The following FBXL13 variants were observed in gnomAD, a reference collection of about 807,000 sequenced individuals.
The protein encoded by FBXL13 is F-box and leucine rich repeat protein 13.
A neutral mutation model predicts 83.6 loss-of-function variants in FBXL13; 67 were observed. The observed-to-expected ratio is 0.80, with a 90% CI of 0.66 to 0.98. The LOEUF is 0.98. Ranked by LOEUF, FBXL13 falls within the 50% of genes least tolerant of loss-of-function variation. The pLI is 0.00. For synonymous variants in FBXL13, 272 were observed against 299.5 expected (o/e 0.91, Z 0.95); for missense variants, 822 against 866.5 (o/e 0.95, Z 0.64).
intron 2 of FBXL13, among the ~76,000 whole-genome samples, chr7:103,040,826 G>T (rs1411217035): frequency 6.6e-6 from 1 of 152,170 alleles, no homozygotes; most frequent in African/African-American, 2.4e-5. Flanking sequence ...CATATTTAAA[G>T]AAGTGTGTAG....
intron 14 of FBXL13, among the ~76,000 whole-genome samples, chr7:102,882,568 C>A (rs13239030): frequency 0.016 from 2,450 of 152,130 alleles, 27 homozygotes; most frequent in Non-Finnish European, 0.023. Flanking sequence ...TCAAGAACAG[C>A]CTGGCCAAAG....
At chr7:102,889,737 G>C (rs1184656316) in intron 11 of FBXL13, among the ~76,000 whole-genome samples, 1 of 152,152 alleles carries the variant, frequency 6.6e-6, no homozygotes, top group Non-Finnish European at 1.5e-5. Context: ...CAAAGGACAA[G>C]AGCTCATCCT....
intron 6 of FBXL13, among the ~76,000 whole-genome samples, chr7:102,986,338 G>C (rs1828946222): frequency 6.6e-6 from 1 of 152,152 alleles, no homozygotes; most frequent in Admixed American, 6.5e-5. Flanking sequence ...GGAAGGAATG[G>C]AGGCTCATGA....
At chr7:102,958,271 C>G (rs567835565) in intron 8 of FBXL13, among the ~76,000 whole-genome samples, 1 of 151,664 alleles carries the variant, frequency 6.6e-6, no homozygotes, top group South Asian at 2.1e-4. Context: ...TCATTCTCAG[C>G]AAACTATCAC....
intron 9 of FBXL13, among the ~76,000 whole-genome samples, chr7:102,930,512 C>T (rs1226784293): frequency 2.6e-5 from 4 of 152,208 alleles, no homozygotes. Context: ...ATTTCTGCTC[C>T]AATATCCCAC....
At chr7:103,024,142 AGAGAGAGAGAGAG>A (rs1793562480) in intron 6 of FBXL13, among the ~76,000 whole-genome samples, 1 of 48,182 alleles carries the variant, frequency 2.1e-5, no homozygotes, top group African/African-American at 2.0e-4. Context: ...AAAAAGAGAG[AGAGAGAGAGAGAG>A]AGAGAGAGAG....
At chr7:102,944,656 G>A in intron 8 of FBXL13, 1 of 1,464,760 alleles carries the variant, frequency 6.8e-7, no homozygotes, top group Non-Finnish European at 9.2e-7. Context: ...CTATACTGGT[G>A]TTAGAAAACA....
chr7:102,850,423 T>A (rs1805014591), intron 17 of FBXL13, among the ~76,000 whole-genome samples: 1 of 152,216 alleles, frequency 6.6e-6, no homozygotes, highest in East Asian at 1.9e-4. Flanking sequence ...CTAAATGATT[T>A]CTAGTTATTG....
At chr7:103,020,491 A>C (rs1186093787) in intron 6 of FBXL13, among the ~76,000 whole-genome samples, 1 of 152,216 alleles carries the variant, frequency 6.6e-6, no homozygotes, top group African/African-American at 2.4e-5. Context: ...CAGGCAAGAG[A>C]AAGAAATAAA....
At position 102,813,680 on chromosome 7, in the gene FBXL13, G is replaced by A. The variant is rs1797609480; in HGVS notation, c.2019-149C>T. 4.0e-6 allele frequency: 3 copies of A among 753,934 alleles called. No individual in the cohort carries two copies. The Admixed American group carries it at 8.4e-5, about 21-fold the overall frequency. 46.7% of individuals were successfully genotyped at this position (753,934 alleles called of 1,614,324 possible). ...CTTGCCTTGCTGAGAGTGAGGATAT[G>A]GGTAAGTGTACAAATAAACAGGGTC... On this transcript the variant is annotated intron_variant, in intron 19 of 19. Coordinates refer to ENST00000313221, the Ensembl canonical transcript of FBXL13.
chr7:103,004,342 C>T (rs200119926), intron 6 of FBXL13, among the ~76,000 whole-genome samples: 4 of 152,244 alleles, frequency 2.6e-5, no homozygotes, highest in Non-Finnish European at 4.4e-5. Context: ...CATAGGCTGG[C>T]GGAGGAGGCC....
intron 6 of FBXL13, among the ~76,000 whole-genome samples, chr7:102,984,765 C>A (rs2129483834): frequency 6.6e-6 from 1 of 152,150 alleles, no homozygotes; most frequent in East Asian, 1.9e-4. Flanking sequence ...TGCTATGTGC[C>A]AATTATTATC....
At chr7:103,012,312 T>C (rs962540684) in intron 6 of FBXL13, among the ~76,000 whole-genome samples, 7 of 151,344 alleles carry the variant, frequency 4.6e-5, no homozygotes, top group African/African-American at 1.7e-4. Context: ...GAGGCGGAGA[T>C]TGCAGTGAGC....
chr7:102,900,158 TC>T (rs1332370654), intron 11 of FBXL13, among the ~76,000 whole-genome samples: 1 of 152,268 alleles, frequency 6.6e-6, no homozygotes, highest in Admixed American at 6.5e-5. Context: ...ATTTATTTTT[TC>T]TAAGAAATAT....
intron 6 of FBXL13, among the ~76,000 whole-genome samples, chr7:102,971,199 G>A (rs982278289): frequency 6.6e-6 from 1 of 152,150 alleles, no homozygotes; most frequent in Non-Finnish European, 1.5e-5. Flanking sequence ...CACAGATTAC[G>A]TACAAAAGAC....
chr7:102,908,851 C>T (rs1814184261), intron 11 of FBXL13, among the ~76,000 whole-genome samples: 1 of 152,228 alleles, frequency 6.6e-6, no homozygotes, highest in South Asian at 2.1e-4. Flanking sequence ...AGACCTGTAG[C>T]TATCACAGCA....
rs191989719 is a variant in FBXL13, at chr7:102,903,254, C to G, written c.1008+9832G>C. ...GGCATATAGAAATGCTACTAATTTT[C>G]GTAGGTCAATTTTTTATCCTGTGAC... On this transcript the variant is annotated intron_variant, in intron 11 of 19. Transcript: ENST00000313221. 6.6e-5 allele frequency among the ~76,000 whole-genome samples: 10 copies of G among 152,092 alleles called. No homozygotes were observed. The East Asian group carries it at 1.7e-3, about 26-fold the overall frequency.
At chr7:102,939,602 A>T in intron 8 of FBXL13, 2 of 1,594,266 alleles carry the variant, frequency 1.3e-6, no homozygotes, top group Non-Finnish European at 1.7e-6. Context: ...TCCCCTGTAT[A>T]GCCCCTTCAA....
At chr7:102,826,013 A>G (rs1799560149) in intron 18 of FBXL13, among the ~76,000 whole-genome samples, 1 of 152,230 alleles carries the variant, frequency 6.6e-6, no homozygotes, top group Non-Finnish European at 1.5e-5. Flanking sequence ...AGCTATAATT[A>G]TGATTATTCA....
Sources: allele counts gnomAD v4.1 joint callset (sites outside exome capture counted in the v4.1 genomes callset), GRCh38; gene constraint gnomAD v4.1.1; transcripts MANE v1.5; gene names NCBI Gene and HGNC (gene_info 2026-07-23, HGNC 2026-07-21).